The following SLC24A3 variants were observed in gnomAD, a reference collection of about 807,000 sequenced individuals.
SLC24A3 encodes the protein solute carrier family 24 member 3.
Under a neutral mutation model 75.8 loss-of-function variants are expected in SLC24A3, and 28 were observed. The ratio of observed to expected loss-of-function variants is 0.37; its 90% CI spans 0.27 to 0.51. The LOEUF (loss-of-function observed/expected upper bound fraction) is 0.51, where lower values mean the gene tolerates loss of function less well. Ranked by LOEUF, SLC24A3 falls within the 20% of genes least tolerant of loss-of-function variation. The pLI, the probability that SLC24A3 is intolerant of heterozygous loss-of-function variation, is 0.94. For missense variants in SLC24A3, 663 were observed against 847.8 expected, an observed-to-expected ratio of 0.78 and a Z score of 2.71; for synonymous variants, 372 against 334.1, an observed-to-expected ratio of 1.11 and a Z score of -1.24.
intron 2 of SLC24A3, among the ~76,000 whole-genome samples, chr20:19,346,104 TATATG>T (rs1985396997): frequency 1.5e-5 from 1 of 68,354 alleles, no homozygotes; most frequent in Non-Finnish European, 2.3e-5. Context: ...TATATATATA[TATATG>T]GTGTGTGTGT....
chr20:19,326,794 G>C (rs1568590240), intron 2 of SLC24A3, among the ~76,000 whole-genome samples: 1 of 152,006 alleles, frequency 6.6e-6, no homozygotes, highest in Admixed American at 6.6e-5. Context: ...TGTTGCCTAG[G>C]CTTCCCTCAA....
chr20:19,563,393 A>G (rs927731299), intron 3 of SLC24A3, among the ~76,000 whole-genome samples: 1 of 152,232 alleles, frequency 6.6e-6, no homozygotes, highest in Non-Finnish European at 1.5e-5. Context: ...TTGAAAGAAA[A>G]TAACAATGAA....
intron 2 of SLC24A3, among the ~76,000 whole-genome samples, chr20:19,327,816 G>C (rs1330695636): frequency 6.6e-6 from 1 of 152,068 alleles, no homozygotes; most frequent in African/African-American, 2.4e-5. Context: ...ATATTTATTG[G>C]ACACCCACTG....
intron 2 of SLC24A3, among the ~76,000 whole-genome samples, chr20:19,355,507 G>A (rs1398656162): frequency 6.6e-6 from 1 of 152,142 alleles, no homozygotes; most frequent in Non-Finnish European, 1.5e-5. Context: ...GCCTCTACCT[G>A]GAGCTGTAGG....
chr20:19,457,956 G>A (rs1228656359), intron 2 of SLC24A3, among the ~76,000 whole-genome samples: 1 of 152,210 alleles, frequency 6.6e-6, no homozygotes, highest in East Asian at 1.9e-4. Flanking sequence ...AGAGCATCTG[G>A]AGGACCGTTG....
intron 2 of SLC24A3, among the ~76,000 whole-genome samples, chr20:19,281,295 G>A (rs762422949): frequency 3.3e-5 from 5 of 152,158 alleles, no homozygotes; most frequent in Non-Finnish European, 7.3e-5. Flanking sequence ...ACTGGAGCTG[G>A]GGGTAAGTCA....
chr20:19,512,941 G>A (rs1300452295), intron 2 of SLC24A3, among the ~76,000 whole-genome samples: 1 of 152,218 alleles, frequency 6.6e-6, no homozygotes, highest in Non-Finnish European at 1.5e-5. Context: ...CAGGGCATAT[G>A]ACTGGCTTGT....
intron 2 of SLC24A3, among the ~76,000 whole-genome samples, chr20:19,511,157 T>A (rs569091623): frequency 7.0e-4 from 107 of 152,080 alleles, no homozygotes; most frequent in African/African-American, 2.4e-3. Context: ...CCCTGCCTCA[T>A]CTCTCCACCC....
intron 2 of SLC24A3, among the ~76,000 whole-genome samples, chr20:19,321,499 T>C (rs770830076): frequency 2.6e-5 from 4 of 152,198 alleles, no homozygotes. Flanking sequence ...GAGAAGCTCA[T>C]GCTACGTAAC....
At chr20:19,271,524 A>G (rs1983329285) in intron 1 of SLC24A3, among the ~76,000 whole-genome samples, 1 of 152,238 alleles carries the variant, frequency 6.6e-6, no homozygotes, top group African/African-American at 2.4e-5. Context: ...TATATGAAAA[A>G]GACACTTGCA....
intron 16 of SLC24A3, among the ~76,000 whole-genome samples, chr20:19,720,131 T>A (rs2033088062): frequency 6.6e-6 from 1 of 152,172 alleles, no homozygotes; most frequent in South Asian, 2.1e-4. Flanking sequence ...CTTTCTGCAG[T>A]GAAATGGCCT....
chr20:19,670,230 G>A (rs2032450541), intron 8 of SLC24A3, among the ~76,000 whole-genome samples: 1 of 152,234 alleles, frequency 6.6e-6, no homozygotes, highest in African/African-American at 2.4e-5. Context: ...GCCCTGAAGA[G>A]CATTAGGCCA....
At chr20:19,623,375 A>G (rs2031829049) in intron 6 of SLC24A3, among the ~76,000 whole-genome samples, 1 of 152,212 alleles carries the variant, frequency 6.6e-6, no homozygotes, top group African/African-American at 2.4e-5. Flanking sequence ...AAGCATGCTC[A>G]GCTCTGAAAC....
rs2032235495 is a variant in SLC24A3 at position 19,653,921 on chromosome 20, T to C, written c.613-141T>C. 3 of 593,240 alleles carry C rather than the reference T, an allele frequency of 5.1e-6. No individual in the cohort carries two copies. The South Asian group carries it at 7.6e-5, about 15-fold the overall frequency. 36.7% of individuals were successfully genotyped at this position (593,240 alleles called of 1,614,324 possible). A position where few individuals can be genotyped will look rare whatever the true frequency, so the allele number is the denominator to read the frequency against. ...GAAGATCCAGACTAATATGCCTAAATACTTGAATAAATTCCGATTGATTGG... is the reference window on the plus strand; with the variant it reads ...GAAGATCCAGACTAATATGCCTAAACACTTGAATAAATTCCGATTGATTGG... On this transcript the variant is annotated intron_variant, in intron 6 of 16. Coordinates refer to ENST00000328041, the MANE Select transcript of SLC24A3 (RefSeq NM_020689.4).
chr20:19,424,702 C>G lies in SLC24A3; in HGVS notation c.272-90786C>G, dbSNP rs545560083. On this transcript the variant is annotated intron_variant, in intron 2 of 16. Transcript: ENST00000328041. ...CAAGATTGTGCCACAGCACTCCAGC[C>G]TGGGCAACAGAGTGAGACCCTTTCT... Among the ~76,000 whole-genome samples, 4 of 133,724 alleles carry G rather than the reference C, an allele frequency of 3.0e-5. No individual in the cohort carries two copies. The East Asian group carries it at 8.4e-4, about 28-fold the overall frequency. 87.7% of individuals were successfully genotyped at this position (133,724 alleles called of 152,430 possible).
chr20:19,701,169 A>G (rs576474300), intron 15 of SLC24A3, among the ~76,000 whole-genome samples: 1 of 152,250 alleles, frequency 6.6e-6, no homozygotes, highest in Non-Finnish European at 1.5e-5. Context: ...GGGCAGGCAC[A>G]TACTCAAGCC....
At chr20:19,273,960 C>G (rs952271127) in intron 1 of SLC24A3, among the ~76,000 whole-genome samples, 11 of 151,026 alleles carry the variant, frequency 7.3e-5, no homozygotes, top group African/African-American at 2.4e-4. Context: ...GGACAGGCCT[C>G]CCTTTAATCC....
Position 19,445,111 on chromosome 20 carries a change from C to G in SLC24A3, c.272-70377C>G, listed in dbSNP as rs540977728. 4.3e-4 allele frequency among the ~76,000 whole-genome samples: 65 copies of G among 152,290 alleles called. 1 individual carries two copies. The highest frequency in any genetic ancestry group is 1.4e-3 in the African/African-American group (57 of 41,552). On this transcript the variant is annotated intron_variant, in intron 2 of 16. Transcript: ENST00000328041. ...ACTGACCTTTTTCATGACCTTATAT[C>G]TGCTTCATCTCTTTATAGTAAAATC...
chr20:19,411,782 G>A lies in SLC24A3; in HGVS notation c.272-103706G>A, dbSNP rs1371556164. Among the ~76,000 whole-genome samples the A allele has an allele frequency of 2.6e-5, 4 of 152,158 alleles. 1 individual carries two copies. The highest frequency in any genetic ancestry group is 1.9e-4 in the East Asian group (1 of 5,184). ...GTTTCACTTGAGCAACCTCTGACGC[G>A]TTGATCTCCAGTAGTACATTATAAC... On this transcript the variant is annotated intron_variant, in intron 2 of 16. Coordinates refer to ENST00000328041, the MANE Select transcript of SLC24A3 (RefSeq NM_020689.4).
Sources: allele counts gnomAD v4.1 joint callset (sites outside exome capture counted in the v4.1 genomes callset), GRCh38; gene constraint gnomAD v4.1.1; transcripts MANE v1.5; gene names NCBI Gene and HGNC (gene_info 2026-07-23, HGNC 2026-07-21).